The following DNAH11 variants were observed in gnomAD, a reference collection of about 807,000 sequenced individuals.
DNAH11 encodes axonemal beta dynein heavy chain 11.
Under a neutral mutation model 526.0 loss-of-function variants are expected in DNAH11, and 442 were observed. The observed-to-expected ratio is 0.84, with a 90% CI of 0.78 to 0.91. The LOEUF (loss-of-function observed/expected upper bound fraction) is 0.91. Ranked by LOEUF, DNAH11 falls within the 40% of genes least tolerant of loss-of-function variation. The pLI, the probability that DNAH11 is intolerant of heterozygous loss-of-function variation, is 0.00. For missense variants in DNAH11, 6,989 were observed against 5,448.7 expected (o/e 1.28, Z -8.90); for synonymous variants, 2,461 against 1,935.9 (o/e 1.27, Z -7.12).
At chr7:21,585,395 A>G (rs921743425) in intron 9 of DNAH11, among the ~76,000 whole-genome samples, 12 of 152,300 alleles carry the variant, frequency 7.9e-5, no homozygotes, top group African/African-American at 2.9e-4. Flanking sequence ...GGATAGAATG[A>G]TGAGCTCAGA....
chr7:21,761,301 C>G (rs1253596775), intron 54 of DNAH11, among the ~76,000 whole-genome samples: 1 of 152,170 alleles, frequency 6.6e-6, no homozygotes, highest in Non-Finnish European at 1.5e-5. Context: ...ACTCCCCTTT[C>G]CCTTCAAAAG....
At chr7:21,831,433 G>T (rs1178750221) in intron 65 of DNAH11, among the ~76,000 whole-genome samples, 1 of 152,128 alleles carries the variant, frequency 6.6e-6, no homozygotes, top group African/African-American at 2.4e-5. Context: ...AACCCACTGA[G>T]TCATTATATA....
intron 66 of DNAH11, among the ~76,000 whole-genome samples, chr7:21,842,989 CAAAG>C (rs1015045083): frequency 1.3e-5 from 2 of 152,018 alleles, no homozygotes; most frequent in African/African-American, 4.8e-5. Flanking sequence ...TGAGGGCAAA[CAAAG>C]AGGCATACGA....
intron 25 of DNAH11, among the ~76,000 whole-genome samples, chr7:21,621,373 A>G (rs1786046199): frequency 6.6e-6 from 1 of 152,206 alleles, no homozygotes. Flanking sequence ...ATGGATTCAC[A>G]GCCGAATTCT....
chr7:21,770,616 T>C (rs6977017), intron 55 of DNAH11, among the ~76,000 whole-genome samples: 59,160 of 152,112 alleles, frequency 0.39, 15,028 homozygotes, highest in African/African-American at 0.7. Context: ...TGGTAAGGGG[T>C]ACATCTGCAG....
chr7:21,692,258 G>A (rs1467829591), intron 35 of DNAH11, among the ~76,000 whole-genome samples: 1 of 152,186 alleles, frequency 6.6e-6, no homozygotes, highest in Admixed American at 6.5e-5. Context: ...ATACAATCAA[G>A]TGTACAGTTG....
intron 30 of DNAH11, among the ~76,000 whole-genome samples, chr7:21,674,097 TC>T (rs1163032753): frequency 6.6e-6 from 1 of 151,950 alleles, no homozygotes; most frequent in East Asian, 1.9e-4. Flanking sequence ...TTTCACCCTG[TC>T]GCCCAGGCTG....
In DNAH11 at chr7:21,735,659, C is replaced by T. The variant is rs751977918; in HGVS notation, c.7460C>T (p.Thr2487Ile). The change falls in exon 46 of 82, where the codon ACA becomes ATA. Residue 2487 changes from threonine (T) to isoleucine (I), a missense_variant. Coordinates refer to ENST00000409508, the MANE Select transcript of DNAH11 (RefSeq NM_001277115.2). ...VPLQTVLVHT[T>I]ETARLRYFME... is the part of the protein sequence containing the mutation. ...TCCCAGACAGTTCTCGTTCACACAA[C>T]AGAGACAGCTCGTCTTAGATATTTC... 2 of 1,597,416 alleles carry T rather than the reference C, an allele frequency of 1.3e-6. No homozygotes were observed. The highest frequency in any genetic ancestry group is 2.2e-5 in the South Asian group (2 of 88,964).
intron 44 of DNAH11, 101 bp from the exon 45 acceptor site, chr7:21,725,710 T>C: frequency 8.1e-7 from 1 of 1,228,988 alleles, no homozygotes; most frequent in Non-Finnish European, 1.1e-6. Flanking sequence ...ATGGCAATTT[T>C]AGGTTTCTAC....
intron 62 of DNAH11, among the ~76,000 whole-genome samples, chr7:21,802,087 T>C (rs1482968748): frequency 6.6e-6 from 1 of 152,166 alleles, no homozygotes; most frequent in East Asian, 1.9e-4. Flanking sequence ...TACAAGGTTG[T>C]GATGATTCTC....
At position 21,601,592 on chromosome 7, in the gene DNAH11, C is replaced by G. The variant is rs766166470; in HGVS notation, c.3622C>G (p.Pro1208Ala). 3.8e-6 allele frequency: 6 copies of G among 1,593,542 alleles called. No individual in the cohort carries two copies. In the South Asian group the frequency reaches 4.5e-5, roughly 12 times the overall value. ...CTTGGAAAGCTATGGCCAGAAGATG[C>G]CTGAGCAGGTCTATATTCAGCTAGA... ...TLLESYGQKM[P>A]EQVYIQLEEL... The change falls in exon 18 of 82, where the codon CCT becomes GCT. Residue 1208 changes from proline (P) to alanine (A), a missense_variant. Pro to Ala is a conservative substitution (Grantham distance 27, BLOSUM62 -1). Coordinates refer to ENST00000409508, the MANE Select transcript of DNAH11 (RefSeq NM_001277115.2).
At position 21,655,992 on chromosome 7, in the gene DNAH11, A is replaced by C; in HGVS notation, c.5094+11A>C. ...GAATGTGTGGGCCATGTAAGATTTG[A>C]TTATGAGGTTTTCTATGCTAGGGGA... On this transcript the variant is annotated intron_variant, in intron 29 of 81. Transcript: ENST00000409508. The C allele has an allele frequency of 6.3e-7, 1 of 1,580,394 alleles. No homozygotes were observed. The highest frequency in any genetic ancestry group is 8.6e-7 in the Non-Finnish European group (1 of 1,161,216).
At chr7:21,598,305 C>G (rs766521868) in intron 14 of DNAH11, among the ~76,000 whole-genome samples, 20 of 152,136 alleles carry the variant, frequency 1.3e-4, no homozygotes, top group Non-Finnish European at 2.5e-4. Flanking sequence ...AGCCACTCAG[C>G]CTCTCTAGAA....
At position 21,543,111 on chromosome 7, in the gene DNAH11, G is replaced by T. The variant is rs1276384966; in HGVS notation, c.-135G>T. Reference sequence around the variant, plus strand: ...GCGCGGCTGCTAAGTAGCAGCAGGTGGGAGACTAGGGTCTGCGCTCGCGGC... The same window carrying T: ...GCGCGGCTGCTAAGTAGCAGCAGGTTGGAGACTAGGGTCTGCGCTCGCGGC... On this transcript the variant is annotated 5_prime_UTR_variant, in exon 1 of 82. Transcript: ENST00000409508. 2.8e-6 allele frequency: 4 copies of T among 1,420,778 alleles called. No homozygotes were observed. Among genetic ancestry groups the T allele is most frequent in the Non-Finnish European group, 3.7e-6 (4 of 1,094,612 alleles). The allele number at this position is 1,420,778 out of a possible 1,614,324, so 88.0% of individuals were successfully genotyped here. A position where few individuals can be genotyped will look rare whatever the true frequency, so the allele number is the denominator to read the frequency against.
intron 31 of DNAH11, among the ~76,000 whole-genome samples, chr7:21,683,176 C>T (rs569636342): frequency 2.7e-5 from 4 of 150,500 alleles, no homozygotes; most frequent in African/African-American, 7.5e-5. Flanking sequence ...AATTAGTATA[C>T]AGTAATTTTG....
chr7:21,900,886 T>A (rs1330910232), intron 81 of DNAH11, 121 bp from the exon 82 acceptor site: 2 of 1,466,496 alleles, frequency 1.4e-6, no homozygotes, highest in South Asian at 1.6e-5. Context: ...AAAATACCAC[T>A]GACAAGCAAA....
chr7:21,566,663 G>T (rs1783681145), intron 6 of DNAH11, among the ~76,000 whole-genome samples: 1 of 151,016 alleles, frequency 6.6e-6, no homozygotes. Context: ...CAGCAAGTCA[G>T]TAATAGAGTT....
chr7:21,863,334 T>G (rs1356630142), intron 69 of DNAH11, among the ~76,000 whole-genome samples: 1 of 152,180 alleles, frequency 6.6e-6, no homozygotes, highest in Non-Finnish European at 1.5e-5. Flanking sequence ...ATACTTGTTT[T>G]TTTGTTTGTT....
chr7:21,556,129 C>T (rs569099766), intron 2 of DNAH11, among the ~76,000 whole-genome samples: 34 of 152,232 alleles, frequency 2.2e-4, no homozygotes, highest in African/African-American at 7.0e-4. Flanking sequence ...TCATTATCCC[C>T]CTTATAAGGT....
Sources: gnomAD v4.1 joint callset for allele counts (sites outside exome capture counted in the v4.1 genomes callset) on GRCh38, gnomAD v4.1.1 for gene constraint, MANE v1.5 for transcripts, NCBI Gene and HGNC (gene_info 2026-07-23, HGNC 2026-07-21) for gene names.